Variants in CSTPP1 observed in about 807,000 individuals in gnomAD.
CSTPP1 encodes UPF0705 protein C11orf49.
At chr11:47,038,225 G>A in the CSTPP1 span, among the ~76,000 whole-genome samples, 4 of 112,266 alleles carry the variant, frequency 3.6e-5, no homozygotes, top group Non-Finnish European at 8.7e-5. Context: ...CAGTAGGGGC[G>A]GCCGGCCAGA....
chr11:46,947,235 G>C, the CSTPP1 span, among the ~76,000 whole-genome samples: 1 of 152,200 alleles, frequency 6.6e-6, no homozygotes, highest in Admixed American at 6.5e-5. Context: ...TGGACAGAGT[G>C]ATATGCTTTG....
chr11:47,007,664 T>C, the CSTPP1 span, among the ~76,000 whole-genome samples: 1 of 152,196 alleles, frequency 6.6e-6, no homozygotes, highest in Non-Finnish European at 1.5e-5. Flanking sequence ...TTATACTTTT[T>C]TTTTTCTCTA....
At chr11:47,090,085 G>A in the CSTPP1 span, among the ~76,000 whole-genome samples, 7 of 152,090 alleles carry the variant, frequency 4.6e-5, no homozygotes, top group Admixed American at 3.3e-4. Context: ...AGGTTCAAGC[G>A]ATTCTCCTGC....
the CSTPP1 span, among the ~76,000 whole-genome samples, chr11:47,014,704 A>G: frequency 6.6e-6 from 1 of 151,048 alleles, no homozygotes; most frequent in Non-Finnish European, 1.5e-5. Flanking sequence ...ACTCTGTCTC[A>G]AAGAAAGAGA....
At chr11:47,062,897 G>A in the CSTPP1 span, among the ~76,000 whole-genome samples, 5 of 152,164 alleles carry the variant, frequency 3.3e-5, no homozygotes, top group Non-Finnish European at 5.9e-5. Flanking sequence ...TTCCTGCAGG[G>A]AGACAGTTCA....
chr11:47,158,081 C>T, the CSTPP1 span: 3 of 646,708 alleles, frequency 4.6e-6, no homozygotes, highest in South Asian at 1.8e-5. Flanking sequence ...AATATGGCGA[C>T]AAAACATGGC....
chr11:47,078,298 G>A, the CSTPP1 span, among the ~76,000 whole-genome samples: 288 of 152,352 alleles, frequency 1.9e-3, 1 homozygote, highest in African/African-American at 6.7e-3. Flanking sequence ...AACCATTTTA[G>A]TTGAGTGACG....
chr11:47,077,533 TA>T, the CSTPP1 span, among the ~76,000 whole-genome samples: 8 of 152,184 alleles, frequency 5.3e-5, no homozygotes, highest in African/African-American at 1.9e-4. Context: ...CAGGGTTTCA[TA>T]AACTTTAACT....
At chr11:46,969,787 CAG>C in the CSTPP1 span, among the ~76,000 whole-genome samples, 1 of 151,942 alleles carries the variant, frequency 6.6e-6, no homozygotes, top group African/African-American at 2.4e-5. Flanking sequence ...TTTTTTGAGA[CAG>C]GGTCTCACTC....
chr11:47,155,355 T>C, the CSTPP1 span: 2 of 1,113,216 alleles, frequency 1.8e-6, no homozygotes, highest in Non-Finnish European at 2.7e-6. Context: ...GGCACACACG[T>C]TTCTCTTCCC....
chr11:46,970,408 A>G, the CSTPP1 span, among the ~76,000 whole-genome samples: 2 of 149,814 alleles, frequency 1.3e-5, no homozygotes, highest in African/African-American at 2.5e-5. Context: ...ATAATAATAA[A>G]TAAATAAATA....
chr11:47,081,078 C>T, the CSTPP1 span, among the ~76,000 whole-genome samples: 2 of 150,220 alleles, frequency 1.3e-5, no homozygotes, highest in Non-Finnish European at 3.0e-5. Flanking sequence ...CTTTAAAACA[C>T]TACTGGAAAC....
chr11:46,984,625 C>T, the CSTPP1 span, among the ~76,000 whole-genome samples: 2 of 151,088 alleles, frequency 1.3e-5, no homozygotes, highest in African/African-American at 2.4e-5. Flanking sequence ...TTGATTTTTA[C>T]TGCTCTGAAA....
the CSTPP1 span, among the ~76,000 whole-genome samples, chr11:46,995,860 A>T: frequency 3.9e-5 from 6 of 152,154 alleles, no homozygotes; most frequent in East Asian, 1.9e-4. Context: ...TTGATCTGTC[A>T]TATGTTGACA....
chr11:47,129,492 G>A, the CSTPP1 span, among the ~76,000 whole-genome samples: 12 of 152,124 alleles, frequency 7.9e-5, no homozygotes, highest in South Asian at 6.2e-4. Flanking sequence ...GCCCACCCTC[G>A]CCATATGCAG....
chr11:46,939,182 C>G, the CSTPP1 span, among the ~76,000 whole-genome samples: 7 of 150,526 alleles, frequency 4.7e-5, no homozygotes, highest in African/African-American at 1.7e-4. Flanking sequence ...CCTCCGCCTC[C>G]TGGGTTCAAG....
At chr11:47,089,350 GC>G in the CSTPP1 span, among the ~76,000 whole-genome samples, 1 of 151,976 alleles carries the variant, frequency 6.6e-6, no homozygotes, top group South Asian at 2.1e-4. Context: ...GGTCCATAAT[GC>G]CCATCATTAG....
chr11:47,046,282 GAAAAAAAA>G, the CSTPP1 span, among the ~76,000 whole-genome samples: 1 of 55,900 alleles, frequency 1.8e-5, no homozygotes, highest in African/African-American at 6.6e-5. Flanking sequence ...TCCACCAAAA[GAAAAAAAA>G]AAAAAAAAAA....
At chr11:46,988,316 T>A in the CSTPP1 span, among the ~76,000 whole-genome samples, 1 of 152,196 alleles carries the variant, frequency 6.6e-6, no homozygotes, top group Non-Finnish European at 1.5e-5. Context: ...AATCTAAGTG[T>A]CCATCAACAG....
Sources: allele counts gnomAD v4.1 joint callset (sites outside exome capture counted in the v4.1 genomes callset), GRCh38; gene constraint gnomAD v4.1.1; transcripts MANE v1.5; gene names NCBI Gene and HGNC (gene_info 2026-07-23, HGNC 2026-07-21).